MMRN1: variants seen among roughly 807,000 people sequenced by gnomAD.
MMRN1 encodes the protein multimerin 1.
MMRN1 carries 94 observed loss-of-function variants against 100.7 expected under a neutral mutation model. The observed-to-expected ratio is 0.93, with a 90% CI of 0.79 to 1.11. MMRN1 has a LOEUF of 1.11. MMRN1 is among the 50% of genes least tolerant of loss of function. The probability of loss-of-function intolerance (pLI) is 0.00; values close to 1 mark genes in which losing one functional copy is unlikely to be tolerated. For synonymous variants in MMRN1, 575 were observed against 505.0 expected (o/e 1.14, Z -1.86); for missense variants, 1,606 against 1,439.1 (o/e 1.12, Z -1.88).
At chr4:89,887,524 T>A (rs1049845471) in intron 1 of MMRN1, among the ~76,000 whole-genome samples, 1 of 151,964 alleles carries the variant, frequency 6.6e-6, no homozygotes, top group Non-Finnish European at 1.5e-5. Context: ...GCTTCACATA[T>A]TTTGAAACAC....
At position 89,936,047 on chromosome 4, in the gene MMRN1, G is replaced by T; in HGVS notation, c.2367G>T (p.Leu789Phe). 1 of 1,612,066 alleles carries T rather than the reference G, an allele frequency of 6.2e-7. No individual in the cohort carries two copies. Among genetic ancestry groups the T allele is most frequent in the East Asian group, 2.2e-5 (1 of 44,810 alleles). ...GTCTGAATGATTCTATTCAGACTTT[G>T]GTCAATGACAATCAGAGATATAACT... is the stretch of plus-strand genomic sequence containing the variant. ...FHRLNDSIQT[L>F]VNDNQRYNFV... Residue 789 changes from leucine to phenylalanine, a missense_variant, in exon 6 of 8, where the codon TTG becomes TTT. Physicochemically the swap from Leu to Phe is conservative, Grantham distance 22. Transcript: ENST00000264790.
chr4:89,922,923 G>A (rs1270019168), intron 3 of MMRN1, among the ~76,000 whole-genome samples: 1 of 151,724 alleles, frequency 6.6e-6, no homozygotes, highest in Non-Finnish European at 1.5e-5. Context: ...CCCTTTTCAC[G>A]GAAAGGAGGC....
At chr4:89,887,631 T>G (rs1025014081) in intron 1 of MMRN1, among the ~76,000 whole-genome samples, 2 of 152,096 alleles carry the variant, frequency 1.3e-5, no homozygotes, top group African/African-American at 4.8e-5. Flanking sequence ...TTTCTAAATA[T>G]TCCATTGTAA....
chr4:89,935,212 C>T lies in MMRN1; in HGVS notation c.1532C>T (p.Ser511Phe). Residue 511 changes from serine (S) to phenylalanine (F), a missense_variant, in exon 6 of 8, where the codon TCT becomes TTT. Ser to Phe is a radical substitution (Grantham distance 155, BLOSUM62 -2). Coordinates refer to ENST00000264790, the MANE Select transcript of MMRN1 (RefSeq NM_007351.3). ...LYYESLNKTLSKLKEVHEQLL... is the reference protein window; with the variant it reads ...LYYESLNKTLFKLKEVHEQLL... ...TATGAATCCCTCAATAAAACTCTTT[C>T]TAAATTGAAGGAAGTACATGAGCAG... is the stretch of plus-strand genomic sequence containing the variant. The T allele has an allele frequency of 6.2e-7, 1 of 1,613,314 alleles. No homozygotes were observed.
intron 1 of MMRN1, among the ~76,000 whole-genome samples, chr4:89,882,308 A>AAT (rs1720838361): frequency 6.6e-6 from 1 of 150,848 alleles, no homozygotes; most frequent in Non-Finnish European, 1.5e-5. Context: ...TATATATATA[A>AAT]ATATATATAA....
At chr4:89,906,893 G>C (rs1721581644) in intron 1 of MMRN1, among the ~76,000 whole-genome samples, 1 of 151,230 alleles carries the variant, frequency 6.6e-6, no homozygotes, top group Non-Finnish European at 1.5e-5. Context: ...TAATATTTAG[G>C]ATTTCAAAAG....
chr4:89,924,940 A>G (rs1472761028), intron 4 of MMRN1, among the ~76,000 whole-genome samples: 1 of 152,156 alleles, frequency 6.6e-6, no homozygotes, highest in African/African-American at 2.4e-5. Flanking sequence ...TGATACAGGT[A>G]CACAATGTGT....
At chr4:89,929,616 T>C (rs1722373484) in intron 5 of MMRN1, among the ~76,000 whole-genome samples, 1 of 152,148 alleles carries the variant, frequency 6.6e-6, no homozygotes, top group Non-Finnish European at 1.5e-5. Flanking sequence ...TTTTGTGACC[T>C]ACCAGCCTAC....
chr4:89,948,080 G>T (rs1560600229), intron 6 of MMRN1, among the ~76,000 whole-genome samples: 1 of 152,094 alleles, frequency 6.6e-6, no homozygotes, highest in Non-Finnish European at 1.5e-5. Flanking sequence ...TCAAACTCCC[G>T]ACCTCAGGTG....
intron 5 of MMRN1, among the ~76,000 whole-genome samples, chr4:89,934,543 G>T (rs926444012): frequency 2.0e-5 from 3 of 152,136 alleles, no homozygotes; most frequent in Admixed American, 6.6e-5. Context: ...GTTCCGTCAT[G>T]TCTTTCATCC....
chr4:89,938,437 G>T (rs962241701), intron 6 of MMRN1, among the ~76,000 whole-genome samples: 1 of 146,054 alleles, frequency 6.8e-6, no homozygotes, highest in Non-Finnish European at 1.5e-5. Flanking sequence ...TATACAGCAT[G>T]TGTGACCACA....
rs200526088 is a variant in MMRN1 at position 89,935,135 on chromosome 4, G to A, written c.1455G>A (p.Gln485=). The A allele has an allele frequency of 3.1e-4, 508 of 1,613,454 alleles. No homozygotes were observed. Among genetic ancestry groups the A allele is most frequent in the South Asian group, 9.7e-4 (88 of 91,030 alleles). The change falls in exon 6 of 8, where the codon CAG becomes CAA. Residue 485 remains glutamine (Q), a synonymous_variant. Transcript: ENST00000264790. ...EKPIKELEVK[Q]THLEGALEQE... Reference sequence around the variant, plus strand: ...CTATTAAAGAACTAGAAGTAAAGCAGACTCATTTAGAAGGTGCTCTAGAAC... The same window carrying A: ...CTATTAAAGAACTAGAAGTAAAGCAAACTCATTTAGAAGGTGCTCTAGAAC...
At chr4:89,905,045 A>T (rs879479798) in intron 1 of MMRN1, among the ~76,000 whole-genome samples, 2 of 151,632 alleles carry the variant, frequency 1.3e-5, no homozygotes. Flanking sequence ...TGTCAGACTT[A>T]TAGAGTTGAG....
chr4:89,939,687 T>C (rs1722763027), intron 6 of MMRN1, among the ~76,000 whole-genome samples: 1 of 152,152 alleles, frequency 6.6e-6, no homozygotes, highest in Non-Finnish European at 1.5e-5. Context: ...AAAGAAATTA[T>C]AGAGTGTGTT....
At chr4:89,893,046 T>G (rs1721089600), upstream of MMRN1, among the ~76,000 whole-genome samples, 1 of 152,012 alleles carries the variant, frequency 6.6e-6, no homozygotes, top group African/African-American at 2.4e-5. Flanking sequence ...AGCTAGTTTC[T>G]TCTGTGTTTT....
chr4:89,930,380 T>A (rs150492226), intron 5 of MMRN1, among the ~76,000 whole-genome samples: 2 of 152,276 alleles, frequency 1.3e-5, no homozygotes, highest in African/African-American at 2.4e-5. Context: ...TTTTCATTGT[T>A]TTTTCTCCCA....
At chr4:89,899,128 G>T (rs147715295) in intron 1 of MMRN1, among the ~76,000 whole-genome samples, 2 of 151,434 alleles carry the variant, frequency 1.3e-5, no homozygotes, top group Non-Finnish European at 2.9e-5. Flanking sequence ...AGTAAAAGGC[G>T]TATTTATGTT....
At chr4:89,940,167 G>A (rs919762086) in intron 6 of MMRN1, among the ~76,000 whole-genome samples, 1 of 152,098 alleles carries the variant, frequency 6.6e-6, no homozygotes, top group African/African-American at 2.4e-5. Flanking sequence ...ACAGCAATTG[G>A]CAGACTTATC....
intron 3 of MMRN1, among the ~76,000 whole-genome samples, chr4:89,917,564 A>G (rs1358214389): frequency 6.6e-6 from 1 of 151,984 alleles, no homozygotes; most frequent in Non-Finnish European, 1.5e-5. Flanking sequence ...AGTAATATAC[A>G]TCATACCAAA....
Sources: gnomAD v4.1 joint callset for allele counts (sites outside exome capture counted in the v4.1 genomes callset) on GRCh38, gnomAD v4.1.1 for gene constraint, MANE v1.5 for transcripts, NCBI Gene and HGNC (gene_info 2026-07-23, HGNC 2026-07-21) for gene names.